Variants in TMEM217 observed in about 807,000 individuals in gnomAD.
TMEM217 encodes the protein chromosome 6 open reading frame 128.
For synonymous variants in TMEM217, 76 were observed against 88.3 expected (o/e 0.86, Z 0.78); for missense variants, 204 against 248.8 (o/e 0.82, Z 1.21).
intron 1 of TMEM217, among the ~76,000 whole-genome samples, chr6:37,245,257 G>T (rs1296264032): frequency 6.6e-6 from 1 of 152,158 alleles, no homozygotes; most frequent in Non-Finnish European, 1.5e-5. Context: ...CACAGAGCTG[G>T]GTCACTGAAG....
chr6:37,222,155 G>C (rs1763557961), intron 1 of TMEM217, among the ~76,000 whole-genome samples: 1 of 152,232 alleles, frequency 6.6e-6, no homozygotes, highest in East Asian at 1.9e-4. Context: ...CACGCAGATT[G>C]GTACATCGGG....
At chr6:37,246,827 T>C (rs775565764) in intron 1 of TMEM217, among the ~76,000 whole-genome samples, 13 of 150,708 alleles carry the variant, frequency 8.6e-5, no homozygotes, top group Non-Finnish European at 1.9e-4. Context: ...TGCTTGAGCA[T>C]GGGAGGTCAA....
exon 2 of TMEM217, chr6:37,218,900 T>C: frequency 6.2e-7 from 1 of 1,614,142 alleles, no homozygotes; most frequent in Non-Finnish European, 8.5e-7. Context: ...TGGTGTGATC[T>C]CAGTGCAACT....
intron 1 of TMEM217, among the ~76,000 whole-genome samples, chr6:37,244,135 T>G (rs1333007617): frequency 6.6e-6 from 1 of 152,250 alleles, no homozygotes; most frequent in Admixed American, 6.5e-5. Flanking sequence ...TGGACTTTTA[T>G]TAGTTTTACA....
chr6:37,222,708 C>G (rs2113826002), intron 1 of TMEM217, among the ~76,000 whole-genome samples: 1 of 152,350 alleles, frequency 6.6e-6, no homozygotes, highest in Middle Eastern at 3.4e-3. Flanking sequence ...AGCTGCAGCC[C>G]GCCCAAGAGG....
chr6:37,226,260 A>G (rs1232786), intron 1 of TMEM217, among the ~76,000 whole-genome samples: 93,675 of 143,018 alleles, frequency 0.65, 30,552 homozygotes, highest in East Asian at 0.85. Flanking sequence ...GTTTTGTTTT[A>G]TTTTGTTTTT....
At chr6:37,218,118 G>C (rs1304245182) in exon 2 of TMEM217, 2 of 1,050,394 alleles carry the variant, frequency 1.9e-6, no homozygotes, top group Non-Finnish European at 2.3e-6. Flanking sequence ...ACCTCTTATG[G>C]GAAAGAAAAG....
chr6:37,238,117 G>T (rs1046472515), intron 1 of TMEM217, among the ~76,000 whole-genome samples: 4 of 151,120 alleles, frequency 2.6e-5, no homozygotes, highest in Non-Finnish European at 5.9e-5. Context: ...CATGAACCAG[G>T]GATTATGATC....
intron 1 of TMEM217, among the ~76,000 whole-genome samples, chr6:37,230,490 A>G (rs1388666759): frequency 1.3e-5 from 2 of 152,192 alleles, no homozygotes; most frequent in Non-Finnish European, 2.9e-5. Context: ...AATTAAGTTA[A>G]AATTAGGTCA....
intron 1 of TMEM217, among the ~76,000 whole-genome samples, chr6:37,222,356 T>C (rs1763573197): frequency 6.6e-6 from 1 of 152,130 alleles, no homozygotes. Flanking sequence ...GCTCCGAGAT[T>C]TGAACTGGTG....
intron 1 of TMEM217, among the ~76,000 whole-genome samples, chr6:37,256,346 A>T: frequency 6.6e-6 from 1 of 152,212 alleles, no homozygotes; most frequent in East Asian, 1.9e-4. Flanking sequence ...GGCTGTCCAG[A>T]ATAAAGACAA....
At chr6:37,241,099 CTTTT>C (rs74398542) in intron 1 of TMEM217, among the ~76,000 whole-genome samples, 2 of 132,866 alleles carry the variant, frequency 1.5e-5, no homozygotes. Flanking sequence ...AAGTATTACT[CTTTT>C]TTTTTTTTTT....
downstream of TMEM217, among the ~76,000 whole-genome samples, chr6:37,214,974 A>G (rs887249543): frequency 4.6e-5 from 7 of 152,182 alleles, no homozygotes; most frequent in African/African-American, 1.7e-4. Context: ...TGAATTGTCT[A>G]AAAATAAGGC....
At chr6:37,245,708 AGGAG>A (rs1765027260) in intron 1 of TMEM217, among the ~76,000 whole-genome samples, 1 of 152,118 alleles carries the variant, frequency 6.6e-6, no homozygotes. Flanking sequence ...GAGGAGGAGG[AGGAG>A]GAAGAGCAGG....
chr6:37,252,054 C>T (rs1765426433), intron 1 of TMEM217, among the ~76,000 whole-genome samples: 1 of 152,114 alleles, frequency 6.6e-6, no homozygotes. Context: ...CCACCATGCC[C>T]AGCTAATTTT....
chr6:37,243,499 G>C (rs1262770314), intron 1 of TMEM217, among the ~76,000 whole-genome samples: 1 of 152,214 alleles, frequency 6.6e-6, no homozygotes, highest in Non-Finnish European at 1.5e-5. Flanking sequence ...TGACACTGCA[G>C]TAAAGAAAGA....
chr6:37,222,958 G>C (rs932524165), intron 1 of TMEM217, among the ~76,000 whole-genome samples: 1 of 152,230 alleles, frequency 6.6e-6, no homozygotes, highest in African/African-American at 2.4e-5. Context: ...AGAATTTCTA[G>C]AGATGAAAAA....
At chr6:37,219,873 T>C (rs981570184) in intron 1 of TMEM217, among the ~76,000 whole-genome samples, 1 of 152,146 alleles carries the variant, frequency 6.6e-6, no homozygotes, top group Admixed American at 6.6e-5. Context: ...AAGAACCCTG[T>C]TGGGTGGAGA....
intron 1 of TMEM217, among the ~76,000 whole-genome samples, chr6:37,242,432 C>A (rs1014924093): frequency 2.0e-5 from 3 of 152,198 alleles, no homozygotes; most frequent in African/African-American, 7.2e-5. Context: ...CTTTTCTTTG[C>A]CTTTAAGAGC....
Sources: gnomAD v4.1 joint callset for allele counts (sites outside exome capture counted in the v4.1 genomes callset) on GRCh38, gnomAD v4.1.1 for gene constraint, MANE v1.5 for transcripts, NCBI Gene and HGNC (gene_info 2026-07-23, HGNC 2026-07-21) for gene names.